MAPKAP1: variants seen among roughly 807,000 people sequenced by gnomAD.
The protein encoded by MAPKAP1 is target of rapamycin complex 2 subunit MAPKAP1.
A neutral mutation model predicts 65.7 loss-of-function variants in MAPKAP1; 20 were observed. That is an observed-to-expected ratio of 0.30 (90% CI 0.21 to 0.44). The LOEUF is 0.44. MAPKAP1 is among the 20% of genes least tolerant of loss of function. The pLI, the probability that MAPKAP1 is intolerant of heterozygous loss-of-function variation, is 1.00. For missense variants in MAPKAP1, 423 were observed against 648.0 expected (o/e 0.65, Z 3.77); for synonymous variants, 222 against 244.3 (o/e 0.91, Z 0.85).
chr9:125,525,014 G>A (rs1162643031), intron 7 of MAPKAP1, among the ~76,000 whole-genome samples: 1 of 152,214 alleles, frequency 6.6e-6, no homozygotes, highest in Admixed American at 6.5e-5. Context: ...GAGCAGCTGC[G>A]CAGACAGATG....
At chr9:125,698,258 T>C (rs1420681244) in intron 1 of MAPKAP1, among the ~76,000 whole-genome samples, 5 of 122,726 alleles carry the variant, frequency 4.1e-5, no homozygotes, top group African/African-American at 1.8e-4. Context: ...ATATATAATT[T>C]ATAAATATAT....
At chr9:125,609,720 T>G (rs1242895601) in intron 4 of MAPKAP1, among the ~76,000 whole-genome samples, 1 of 152,190 alleles carries the variant, frequency 6.6e-6, no homozygotes, top group Non-Finnish European at 1.5e-5. Flanking sequence ...GTAGTTTTGG[T>G]AGTTTCTCCC....
chr9:125,439,088 G>A lies in MAPKAP1; in HGVS notation c.1444-76C>T. The A allele has an allele frequency of 6.4e-7, 1 of 1,569,540 alleles. No individual in the cohort carries two copies. Among genetic ancestry groups the A allele is most frequent in the Non-Finnish European group, 8.7e-7 (1 of 1,154,096 alleles). On this transcript the variant is annotated intron_variant, in intron 11 of 11. Coordinates refer to ENST00000265960, the MANE Select transcript of MAPKAP1 (RefSeq NM_001006617.3). This position sits in a 1 kb window ranked among gnomAD's most constrained non-coding sequence, Gnocchi z 4.0. ...ACCCAGGGCATCGGAGGGGGTGGCAGGGAAGGCCCTGACCTGGGCCGGGTG... is the reference window on the plus strand; with the variant it reads ...ACCCAGGGCATCGGAGGGGGTGGCAAGGAAGGCCCTGACCTGGGCCGGGTG...
At position 125,554,794 on chromosome 9, in the gene MAPKAP1, CAAAAAAAAAAAA is replaced by C. The variant is rs56911891; in HGVS notation, c.848+4827_848+4838del. 7.6e-5 allele frequency among the ~76,000 whole-genome samples: 5 copies of C among 65,642 alleles called. No homozygotes were observed. The East Asian group carries it at 1.7e-3, about 22-fold the overall frequency. 43.1% of individuals were successfully genotyped at this position (65,642 alleles called of 152,430 possible). On this transcript the variant is annotated intron_variant, in intron 6 of 11. Transcript: ENST00000265960. ...CTAGGCCACACAGCAAGACACTTAT[CAAAAAAAAAAAA>C]AAAAAAAAAAAGCATTTTCTAGTAA... is the stretch of plus-strand genomic sequence containing the variant.
chr9:125,555,886 C>T (rs1454749107), intron 6 of MAPKAP1, among the ~76,000 whole-genome samples: 1 of 152,206 alleles, frequency 6.6e-6, no homozygotes, highest in Non-Finnish European at 1.5e-5. Context: ...TCCACCTAAA[C>T]ACTACCCCTC....
intron 4 of MAPKAP1, among the ~76,000 whole-genome samples, chr9:125,636,610 T>C (rs1833432204): frequency 6.6e-6 from 1 of 152,230 alleles, no homozygotes; most frequent in Non-Finnish European, 1.5e-5. Context: ...GCATCCAGTG[T>C]ATCTACTACC....
chr9:125,563,932 C>T (rs531298753), intron 5 of MAPKAP1, among the ~76,000 whole-genome samples: 2 of 152,272 alleles, frequency 1.3e-5, no homozygotes, highest in Admixed American at 6.5e-5. Flanking sequence ...AGGCTGGTCT[C>T]GAACTCCTGA....
intron 10 of MAPKAP1, among the ~76,000 whole-genome samples, chr9:125,460,611 G>A (rs543000690): frequency 3.3e-5 from 5 of 152,236 alleles, no homozygotes; most frequent in Non-Finnish European, 5.9e-5. Context: ...TTCTGACTCC[G>A]AAATTCAGAG....
At chr9:125,586,498 T>G (rs751353012) in intron 4 of MAPKAP1, among the ~76,000 whole-genome samples, 2 of 151,322 alleles carry the variant, frequency 1.3e-5, no homozygotes, top group Non-Finnish European at 2.9e-5. Flanking sequence ...AAAAGAGGAC[T>G]GCTTTGTTGT....
At chr9:125,570,662 T>TTG (rs1363911382) in intron 5 of MAPKAP1, among the ~76,000 whole-genome samples, 1 of 151,446 alleles carries the variant, frequency 6.6e-6, no homozygotes, top group Non-Finnish European at 1.5e-5. Flanking sequence ...AAAGTAAAAT[T>TTG]TGTTTTTGGT....
At chr9:125,637,815 T>A (rs1833468245) in intron 4 of MAPKAP1, among the ~76,000 whole-genome samples, 1 of 152,144 alleles carries the variant, frequency 6.6e-6, no homozygotes, top group African/African-American at 2.4e-5. Flanking sequence ...CGCTGTTTCC[T>A]ATGCTGGAGT....
At chr9:125,533,098 T>C (rs902157413) in intron 7 of MAPKAP1, among the ~76,000 whole-genome samples, 5 of 152,188 alleles carry the variant, frequency 3.3e-5, no homozygotes, top group Admixed American at 3.3e-4. Context: ...TGTGTATGTG[T>C]ACGCATACAC....
intron 7 of MAPKAP1, among the ~76,000 whole-genome samples, chr9:125,528,617 G>A (rs1829840879): frequency 6.6e-6 from 1 of 152,156 alleles, no homozygotes; most frequent in African/African-American, 2.4e-5. Flanking sequence ...GGGAGGCCGA[G>A]GCAGGTGGAT....
chr9:125,448,340 A>C (rs1386592294), intron 10 of MAPKAP1, among the ~76,000 whole-genome samples: 1 of 152,262 alleles, frequency 6.6e-6, no homozygotes, highest in African/African-American at 2.4e-5. Context: ...GTAACAATTC[A>C]TTGACCTCTT....
chr9:125,606,549 T>G (rs1564579621), intron 4 of MAPKAP1, among the ~76,000 whole-genome samples: 1 of 152,170 alleles, frequency 6.6e-6, no homozygotes, highest in African/African-American at 2.4e-5. Flanking sequence ...GAAACTGAGA[T>G]ACTGTCCTCG....
chr9:125,446,327 T>C (rs1189679313), intron 10 of MAPKAP1, among the ~76,000 whole-genome samples: 1 of 152,190 alleles, frequency 6.6e-6, no homozygotes, highest in Non-Finnish European at 1.5e-5. Context: ...AAAACCTCAC[T>C]TTCAGACACT....
intron 4 of MAPKAP1, among the ~76,000 whole-genome samples, chr9:125,652,521 A>C (rs1405768951): frequency 6.6e-6 from 1 of 152,164 alleles, no homozygotes. Context: ...CAGCTTCCCT[A>C]TTAAAACAGT....
chr9:125,665,400 G>A (rs888726034), intron 3 of MAPKAP1, among the ~76,000 whole-genome samples: 2 of 152,046 alleles, frequency 1.3e-5, no homozygotes, highest in African/African-American at 2.4e-5. Flanking sequence ...ATCACCCAGG[G>A]ACCTTTTGAA....
In MAPKAP1 at chr9:125,437,777, A is replaced by C. The variant is rs1260779116; in HGVS notation, c.*1110T>G. 1 of 152,282 alleles carries C rather than the reference A, an allele frequency of 6.6e-6. No individual in the cohort carries two copies. The highest frequency in any genetic ancestry group is 1.5e-5 in the Non-Finnish European group (1 of 68,072). The allele number at this position is 152,282 out of a possible 1,614,324, so 9.4% of individuals were successfully genotyped here. ...GTCCCCGGCCCTGGCTGGGGACAGT[A>C]AGGACATCACCGCAGGAGGGACACT... On this transcript the variant is annotated 3_prime_UTR_variant, in exon 12 of 12. Transcript: ENST00000265960.
Sources: allele counts gnomAD v4.1 joint callset (sites outside exome capture counted in the v4.1 genomes callset), GRCh38; gene constraint gnomAD v4.1.1; non-coding constraint Gnocchi (gnomAD v3.1); transcripts MANE v1.5; gene names NCBI Gene and HGNC (gene_info 2026-07-23, HGNC 2026-07-21).